R3HDM1: variants seen among roughly 807,000 people sequenced by gnomAD.
R3HDM1 encodes R3H domain containing 1.
A neutral mutation model predicts 141.1 loss-of-function variants in R3HDM1; 46 were observed. That is an observed-to-expected ratio of 0.33 (90% confidence interval 0.26 to 0.42). R3HDM1 has a LOEUF of 0.42. Among genes scored for constraint, R3HDM1 ranks in the 10% least tolerant of loss-of-function variants. The probability of loss-of-function intolerance (pLI) is 1.00; values close to 1 mark genes in which losing one functional copy is unlikely to be tolerated. For missense variants in R3HDM1, 1,184 were observed against 1,368.3 expected (o/e 0.87, Z 2.12); for synonymous variants, 435 against 472.9 (o/e 0.92, Z 1.04).
At chr2:135,659,258 G>A (rs2066361523) in intron 18 of R3HDM1, among the ~76,000 whole-genome samples, 1 of 151,694 alleles carries the variant, frequency 6.6e-6, no homozygotes, top group African/African-American at 2.4e-5. Flanking sequence ...CATCACACCT[G>A]GCTAATTTTT....
chr2:135,619,195 G>A (rs529878728), intron 5 of R3HDM1, among the ~76,000 whole-genome samples: 1 of 152,220 alleles, frequency 6.6e-6, no homozygotes, highest in Non-Finnish European at 1.5e-5. Context: ...ATTGAGGAAA[G>A]AAGGGTCAGG....
intron 24 of R3HDM1, 27 bp from the exon 25 acceptor site, chr2:135,721,897 A>G: frequency 6.3e-7 from 1 of 1,597,366 alleles, no homozygotes; most frequent in Non-Finnish European, 8.6e-7. Flanking sequence ...CTCTGGCAAT[A>G]AAATAAAATA....
Position 135,635,916 on chromosome 2 carries a change from T to C in R3HDM1, c.725T>C (p.Ile242Thr). Residue 242 changes from isoleucine (I) to threonine (T), a missense_variant, in exon 10 of 27, where the codon ATT (isoleucine) becomes ACT (threonine). By Grantham distance (89) the Ile-to-Thr change is moderately conservative (BLOSUM62 -1). This residue lies in a region of R3HDM1 where 240 missense variants were observed against 312.3 expected (regional missense o/e 0.77). Transcript: ENST00000683871. Reference sequence around the variant, plus strand: ...CCTGATCAGAAATTTAATGAACATATTAAGGATGATAAAGGTGAAGACTTT... The same window carrying C: ...CCTGATCAGAAATTTAATGAACATACTAAGGATGATAAAGGTGAAGACTTT... ...RIPDQKFNEH[I>T]KDDKGEDFQK... The C allele has an allele frequency of 6.2e-7, 1 of 1,607,134 alleles. No individual in the cohort carries two copies. The highest frequency in any genetic ancestry group is 8.5e-7 in the Non-Finnish European group (1 of 1,177,828).
intron 21 of R3HDM1, among the ~76,000 whole-genome samples, chr2:135,700,839 A>G (rs889366129): frequency 1.3e-5 from 2 of 152,218 alleles, no homozygotes; most frequent in African/African-American, 4.8e-5. Context: ...GTGATTTCAT[A>G]CAACAGGATT....
intron 1 of R3HDM1, among the ~76,000 whole-genome samples, chr2:135,574,350 C>A (rs1360201355): frequency 2.6e-5 from 4 of 152,140 alleles, no homozygotes; most frequent in South Asian, 2.1e-4. Context: ...AGAAATAATT[C>A]TTCTAAACTA....
At chr2:135,601,195 C>T (rs1246399120) in intron 1 of R3HDM1, among the ~76,000 whole-genome samples, 1 of 152,110 alleles carries the variant, frequency 6.6e-6, no homozygotes, top group Non-Finnish European at 1.5e-5. Context: ...TTTGGTGGAA[C>T]TTAATCATTT....
chr2:135,613,684 C>CA (rs1188300095), intron 3 of R3HDM1, among the ~76,000 whole-genome samples: 1 of 152,080 alleles, frequency 6.6e-6, no homozygotes, highest in Admixed American at 6.5e-5. Flanking sequence ...GGCATGGTGG[C>CA]AAACGCCTGT....
chr2:135,679,060 G>A (rs1344711944), intron 20 of R3HDM1, among the ~76,000 whole-genome samples: 6 of 128,566 alleles, frequency 4.7e-5, no homozygotes, highest in African/African-American at 1.5e-4. Context: ...TGCCCAGCCC[G>A]GCTTTCTTTT....
At chr2:135,563,701 A>T (rs1702213832) in intron 1 of R3HDM1, among the ~76,000 whole-genome samples, 2 of 152,326 alleles carry the variant, frequency 1.3e-5, no homozygotes, top group Admixed American at 1.3e-4. Context: ...ACTAAAAATA[A>T]GCTAGCTATA....
intron 1 of R3HDM1, chr2:135,586,427 G>A (rs1707930225): frequency 6.5e-6 from 1 of 153,122 alleles, no homozygotes; most frequent in Admixed American, 6.5e-5. Context: ...GAGGAGCAAT[G>A]CAGAGCATCA....
intron 5 of R3HDM1, among the ~76,000 whole-genome samples, chr2:135,618,498 A>G: frequency 7.0e-6 from 1 of 143,694 alleles, no homozygotes; most frequent in East Asian, 2.1e-4. Context: ...GTATCTACAT[A>G]GGAGATAGCT....
intron 1 of R3HDM1, chr2:135,536,822 T>A: frequency 1.7e-6 from 1 of 574,654 alleles, no homozygotes; most frequent in Non-Finnish European, 2.2e-6. Flanking sequence ...GAGCTCTGCC[T>A]CCTGTCAGAT....
At chr2:135,592,840 C>G (rs1028167911) in intron 1 of R3HDM1, among the ~76,000 whole-genome samples, 4 of 152,030 alleles carry the variant, frequency 2.6e-5, no homozygotes, top group African/African-American at 9.7e-5. Context: ...ACTGCACCCT[C>G]AAACTCCTGA....
At chr2:135,620,408 G>A in intron 5 of R3HDM1, 1 of 857,370 alleles carries the variant, frequency 1.2e-6, no homozygotes, top group Non-Finnish European at 1.4e-6. Flanking sequence ...TGAGTGTAAG[G>A]AAGTTGCCAG....
At chr2:135,540,723 G>T (rs1697302115) in intron 1 of R3HDM1, among the ~76,000 whole-genome samples, 1 of 152,076 alleles carries the variant, frequency 6.6e-6, no homozygotes, top group Non-Finnish European at 1.5e-5. Flanking sequence ...CACAAATGTT[G>T]TTAATGGCAT....
At chr2:135,540,915 C>T (rs1342331420) in intron 1 of R3HDM1, among the ~76,000 whole-genome samples, 2 of 152,144 alleles carry the variant, frequency 1.3e-5, no homozygotes, top group Non-Finnish European at 2.9e-5. Flanking sequence ...GTCAAAGGAA[C>T]ATTCATTCTT....
chr2:135,535,885 A>G (rs1695994747), intron 1 of R3HDM1, among the ~76,000 whole-genome samples: 3 of 152,120 alleles, frequency 2.0e-5, no homozygotes, highest in Admixed American at 2.0e-4. Flanking sequence ...CTAGTTTTGT[A>G]CCTTATTTTC....
intron 23 of R3HDM1, among the ~76,000 whole-genome samples, chr2:135,714,332 G>A (rs1399298392): frequency 2.0e-5 from 3 of 152,094 alleles, no homozygotes; most frequent in Non-Finnish European, 4.4e-5. Context: ...GGAGACAGCA[G>A]ACAAACCCAA....
intron 3 of R3HDM1, among the ~76,000 whole-genome samples, 196 bp from the exon 4 acceptor site, chr2:135,615,956 C>T (rs1272853832): frequency 6.6e-6 from 1 of 152,118 alleles, no homozygotes; most frequent in Non-Finnish European, 1.5e-5. Context: ...AAATGCCAAC[C>T]TATCAGGATT....
Sources: gnomAD v4.1 joint callset for allele counts (sites outside exome capture counted in the v4.1 genomes callset) on GRCh38, gnomAD v4.1.1 for gene constraint, gnomAD v4.1.1 regional missense constraint, MANE v1.5 for transcripts, NCBI Gene and HGNC (gene_info 2026-07-23, HGNC 2026-07-21) for gene names.